SRP72: variants seen among roughly 807,000 people sequenced by gnomAD.
SRP72 encodes signal recognition particle 72, also known as signal recognition particle subunit SRP72.
In SRP72, 49 loss-of-function variants were observed where a neutral mutation model predicts 96.3. The observed-to-expected ratio is 0.51, with a 90% confidence interval of 0.40 to 0.65. The LOEUF is 0.65. Ranked by LOEUF, SRP72 falls within the 30% of genes least tolerant of loss-of-function variation. SRP72 has a pLI of 0.00. For synonymous variants in SRP72, 267 were observed against 275.2 expected, an observed-to-expected ratio of 0.97 and a Z score of 0.30; for missense variants, 736 against 793.3, an observed-to-expected ratio of 0.93 and a Z score of 0.87.
Position 56,478,587 on chromosome 4 carries a change from C to G in SRP72, c.768-5C>G, listed in dbSNP as rs759777336. The G allele has an allele frequency of 8.1e-6, 13 of 1,613,702 alleles. No homozygotes were observed. The highest frequency in any genetic ancestry group is 2.7e-5 in the African/African-American group (2 of 74,884). On this transcript the variant is annotated splice_region_variant and splice_polypyrimidine_tract_variant and intron_variant, in intron 7 of 18. Transcript: ENST00000642900. ...TTGGTTTTGACTGTTGCTTGTTGTT[C>G]ACAGACCAACAGATGTGGGATTACT...
In SRP72 at chr4:56,485,802, G is replaced by GA. The variant is rs1044674650; in HGVS notation, c.1087-514dup. Reference sequence around the variant, plus strand: ...GGTGACAGAGCAAGACTCCGCCTCAGAAAAAAAAAGCACATTTTGAGGTTG... The same window carrying GA: ...GGTGACAGAGCAAGACTCCGCCTCAGAAAAAAAAAAGCACATTTTGAGGTTG... On this transcript the variant is annotated intron_variant, in intron 10 of 18. Transcript: ENST00000642900. Among the ~76,000 whole-genome samples the GA allele has an allele frequency of 8.7e-5, 13 of 150,254 alleles. No homozygotes were observed. The East Asian group carries it at 2.3e-3, about 27-fold the overall frequency.
At chr4:56,481,373 T>A in intron 8 of SRP72, among the ~76,000 whole-genome samples, 1 of 152,208 alleles carries the variant, frequency 6.6e-6, no homozygotes, top group Non-Finnish European at 1.5e-5. Context: ...CATGCTCAGT[T>A]TGTGCTTCTC....
chr4:56,475,832 A>G (rs1357984745), intron 5 of SRP72: 2 of 152,198 alleles, frequency 1.3e-5, no homozygotes, highest in Non-Finnish European at 2.9e-5. Context: ...ACTTGAGGAA[A>G]TGATTAGATA....
At chr4:56,475,403 A>AATATATAT (rs5858385) in intron 5 of SRP72, among the ~76,000 whole-genome samples, 7,698 of 150,934 alleles carry the variant, frequency 0.051, 648 homozygotes, top group African/African-American at 0.18. Flanking sequence ...ACAAAAAAAA[A>AATATATAT]ATATATATGT....
At position 56,501,766 on chromosome 4, in the gene SRP72, A is replaced by G. The variant is rs760191431; in HGVS notation, c.1921A>G (p.Ile641Val). The G allele has an allele frequency of 3.7e-6, 6 of 1,614,030 alleles. No homozygotes were observed. Among genetic ancestry groups the G allele is most frequent in the East Asian group, 2.2e-5 (1 of 44,902 alleles). ...AACAGTATCTGCCTCTACAAGTAAC[A>G]TCATACCCCCAAGACACCAGAAACC... is the stretch of plus-strand genomic sequence containing the variant. ...AATVSASTSN[I>V]IPPRHQKPAG... The change falls in exon 19 of 19, where the codon ATC becomes GTC. Residue 641 changes from isoleucine to valine, a missense_variant. Coordinates refer to ENST00000642900, the MANE Select transcript of SRP72 (RefSeq NM_006947.4).
intron 1 of SRP72, 92 bp downstream of exon 1, chr4:56,467,836 C>G: frequency 2.4e-6 from 3 of 1,230,638 alleles, no homozygotes; most frequent in Non-Finnish European, 3.2e-6. Flanking sequence ...GCGGGAGGCA[C>G]GGGAAGGGGA....
chr4:56,494,574 T>G (rs1253064640), intron 16 of SRP72, among the ~76,000 whole-genome samples: 3 of 152,060 alleles, frequency 2.0e-5, no homozygotes, highest in South Asian at 4.1e-4. Flanking sequence ...CAACTAATTT[T>G]TGTATTTTTA....
intron 5 of SRP72, chr4:56,475,932 AG>A (rs1280713582): frequency 2.6e-5 from 4 of 152,250 alleles, no homozygotes; most frequent in Admixed American, 2.0e-4. Context: ...GTACTATTAA[AG>A]GATTGGCTAA....
chr4:56,484,051 T>TTTTTTTTTA (rs1560682047), intron 9 of SRP72, among the ~76,000 whole-genome samples: 3 of 142,716 alleles, frequency 2.1e-5, no homozygotes, highest in African/African-American at 5.3e-5. Flanking sequence ...TTTTTTTTTT[T>TTTTTTTTTA]GAGATGGAGT....
At chr4:56,494,113 T>C (rs1421264450) in intron 16 of SRP72, among the ~76,000 whole-genome samples, 2 of 152,124 alleles carry the variant, frequency 1.3e-5, no homozygotes, top group Non-Finnish European at 2.9e-5. Context: ...CAGAGAACCC[T>C]TGGGAAATTT....
At chr4:56,493,360 CATT>C (rs1304986146) in intron 16 of SRP72, among the ~76,000 whole-genome samples, 9 of 152,062 alleles carry the variant, frequency 5.9e-5, no homozygotes, top group Non-Finnish European at 1.2e-4. Flanking sequence ...CTTAGACAAT[CATT>C]AAGATATACA....
chr4:56,500,780 TATAAA>T, intron 18 of SRP72, 85 bp downstream of exon 18: 2 of 1,304,964 alleles, frequency 1.5e-6, no homozygotes, highest in Non-Finnish European at 2.1e-6. Flanking sequence ...AATTTGTTAA[TATAAA>T]GTATGAGAAA....
chr4:56,484,994 A>C, intron 10 of SRP72, 130 bp downstream of exon 10: 3 of 1,149,800 alleles, frequency 2.6e-6, no homozygotes, highest in Non-Finnish European at 3.5e-6. Flanking sequence ...CACAAATTTC[A>C]TTGTCATTTT....
At position 56,478,368 on chromosome 4, in the gene SRP72, C is replaced by G. The variant is rs1337636235; in HGVS notation, c.643-11C>G. On this transcript the variant is annotated splice_polypyrimidine_tract_variant and intron_variant, in intron 6 of 18. Transcript: ENST00000642900. ...GAAAATTTATATGGGAAAAACATTT[C>G]TTTCTCTTAGGATGGGACTGAGGAA... 6.4e-6 allele frequency: 10 copies of G among 1,552,430 alleles called. No homozygotes were observed. Among genetic ancestry groups the G allele is most frequent in the Non-Finnish European group, 8.7e-6 (10 of 1,153,724 alleles).
intron 8 of SRP72, among the ~76,000 whole-genome samples, chr4:56,482,224 G>A (rs1210662687): frequency 1.3e-5 from 2 of 151,020 alleles, no homozygotes; most frequent in Non-Finnish European, 3.0e-5. Flanking sequence ...GGCGAATCAC[G>A]AGGTCAGAAG....
chr4:56,475,402 A>AT (rs5858384), intron 5 of SRP72, among the ~76,000 whole-genome samples: 30,472 of 146,060 alleles, frequency 0.21, 3,402 homozygotes, highest in Admixed American at 0.35. Context: ...TACAAAAAAA[A>AT]AATATATATG....
intron 8 of SRP72, among the ~76,000 whole-genome samples, chr4:56,481,096 G>A (rs1018403725): frequency 7.2e-5 from 11 of 152,172 alleles, no homozygotes; most frequent in Non-Finnish European, 1.6e-4. Flanking sequence ...TATTAAAATT[G>A]CGACATGAGA....
chr4:56,479,912 A>ATTT (rs1427771649), intron 8 of SRP72, among the ~76,000 whole-genome samples: 7 of 152,176 alleles, frequency 4.6e-5, no homozygotes, highest in Non-Finnish European at 1.5e-5. Context: ...TCCTCTCAAT[A>ATTT]ATCTTTTTAG....
intron 5 of SRP72, chr4:56,475,707 C>T (rs937514887): frequency 2.0e-5 from 3 of 152,174 alleles, no homozygotes; most frequent in Non-Finnish European, 4.4e-5. Flanking sequence ...AGAACATTCT[C>T]ATACATTGTG....
Sources: gnomAD v4.1 joint callset for allele counts (sites outside exome capture counted in the v4.1 genomes callset) on GRCh38, gnomAD v4.1.1 for gene constraint, MANE v1.5 for transcripts, NCBI Gene and HGNC (gene_info 2026-07-23, HGNC 2026-07-21) for gene names.